The following EDA variants were observed in gnomAD, a reference collection of about 807,000 sequenced individuals.
EDA encodes the protein ectodysplasin-A.
A neutral mutation model predicts 23.6 loss-of-function variants in EDA; 2 were observed. That is an observed-to-expected ratio of 0.08 (90% CI 0.03 to 0.27). The LOEUF (loss-of-function observed/expected upper bound fraction) is 0.27, where lower values mean the gene tolerates loss of function less well. EDA is among the 10% of genes least tolerant of loss of function. EDA has a pLI of 1.00. For synonymous variants in EDA, 131 were observed against 132.0 expected (o/e 0.99, Z 0.05); for missense variants, 229 against 324.2 (o/e 0.71, Z 2.26).
intron 1 of EDA, among the ~76,000 whole-genome samples, chrX:69,701,328 G>A (rs773135903): frequency 6.3e-4 from 70 of 111,069 alleles, no homozygotes; most frequent in African/African-American, 1.7e-3. Context: ...GGGGTCCTCC[G>A]CAGAGGGGGC....
intron 1 of EDA, among the ~76,000 whole-genome samples, chrX:69,766,462 T>G (rs2014472723): frequency 9.0e-6 from 1 of 111,081 alleles, no homozygotes; most frequent in Non-Finnish European, 1.9e-5. Flanking sequence ...GGTCCCAGTG[T>G]CTTATAGGTC....
At chrX:70,008,534 G>A (rs1281177829) in intron 2 of EDA, among the ~76,000 whole-genome samples, 1 of 111,008 alleles carries the variant, frequency 9.0e-6, no homozygotes, top group African/African-American at 3.3e-5. Flanking sequence ...TACATTGTTG[G>A]CTTTGATTAG....
chrX:69,884,692 AC>A (rs1373188998), intron 1 of EDA, among the ~76,000 whole-genome samples: 5 of 112,141 alleles, frequency 4.5e-5, no homozygotes, highest in Non-Finnish European at 7.5e-5. Context: ...GTATGGATAT[AC>A]CACATTTTCT....
At chrX:69,851,599 A>G (rs1421766440) in intron 1 of EDA, among the ~76,000 whole-genome samples, 3 of 112,546 alleles carry the variant, frequency 2.7e-5, no homozygotes, top group Non-Finnish European at 5.6e-5. Flanking sequence ...AAAAATCCTC[A>G]GTAGATATAC....
At chrX:69,923,550 T>G (rs1265927579) in intron 1 of EDA, among the ~76,000 whole-genome samples, 1 of 112,107 alleles carries the variant, frequency 8.9e-6, no homozygotes, top group Non-Finnish European at 1.9e-5. Flanking sequence ...GATAGGCATT[T>G]GGGTTGGTTC....
At chrX:69,669,431 G>T (rs764496841) in intron 1 of EDA, among the ~76,000 whole-genome samples, 10 of 110,651 alleles carry the variant, frequency 9.0e-5, no homozygotes, top group Non-Finnish European at 1.9e-4. Flanking sequence ...TTTATCATTT[G>T]TATATCTGCT....
rs1191245556 is a variant in EDA, at chrX:69,910,374, A to AGAGT, written c.397-46652_397-46651insAGTG. Among the ~76,000 whole-genome samples the AGAGT allele has an allele frequency of 1.2e-3, 51 of 41,746 alleles. No homozygotes were observed. In the East Asian group the frequency reaches 0.013, roughly 11 times the overall value. The allele number at this position is 41,746 out of a possible 115,157, so 36.3% of individuals were successfully genotyped here. ...AGGAGAGAGAGAGAGAGAGAGAGAG[A>AGAGT]GTGTGTGTGTGTGTGTGTGTGTGTG... On this transcript the variant is annotated intron_variant, in intron 1 of 7. Coordinates refer to ENST00000374552, the MANE Select transcript of EDA (RefSeq NM_001399.5).
chrX:69,963,096 C>CA (rs752947099), intron 2 of EDA, among the ~76,000 whole-genome samples: 3 of 111,384 alleles, frequency 2.7e-5, no homozygotes, highest in Non-Finnish European at 5.7e-5. Flanking sequence ...TTGGACATAT[C>CA]AAAAAACTTA....
intron 1 of EDA, among the ~76,000 whole-genome samples, chrX:69,891,042 CA>C (rs1031175441): frequency 1.7e-3 from 177 of 103,458 alleles, no homozygotes; most frequent in Middle Eastern, 9.6e-3. Context: ...AACAAATTTA[CA>C]AAAAAAAAAC....
chrX:69,907,102 T>C (rs1408193023), intron 1 of EDA, among the ~76,000 whole-genome samples: 1 of 111,737 alleles, frequency 8.9e-6, no homozygotes, highest in African/African-American at 3.3e-5. Context: ...AGGAAGTAAG[T>C]GCTGCTGATG....
At chrX:69,877,022 A>G (rs1296069286) in intron 1 of EDA, among the ~76,000 whole-genome samples, 12 of 112,630 alleles carry the variant, frequency 1.1e-4, no homozygotes, top group Admixed American at 9.4e-5. Flanking sequence ...CTGTTTTGCA[A>G]AATGACCATA....
Position 69,625,096 on chromosome X carries a change from T to C in EDA, c.396+8392T>C, listed in dbSNP as rs755172911. On this transcript the variant is annotated intron_variant, in intron 1 of 7. Transcript: ENST00000374552. Reference sequence around the variant, plus strand: ...ATCATCTCCTGTGTATCATGCACTGTACAAAACAATGGAGATGCAGCTGTT... The same window carrying C: ...ATCATCTCCTGTGTATCATGCACTGCACAAAACAATGGAGATGCAGCTGTT... 7.0e-4 allele frequency among the ~76,000 whole-genome samples: 78 copies of C among 111,236 alleles called. 1 individual carries two copies. The South Asian group carries it at 0.029, about 41-fold the overall frequency.
intron 6 of EDA, among the ~76,000 whole-genome samples, chrX:70,032,533 T>C (rs1018995875): frequency 9.0e-6 from 1 of 111,559 alleles, no homozygotes; most frequent in Admixed American, 9.5e-5. Flanking sequence ...GGCTTGGATG[T>C]CCTCCTCTCA....
intron 1 of EDA, among the ~76,000 whole-genome samples, chrX:69,941,515 A>G (rs1028388178): frequency 9.0e-6 from 1 of 111,712 alleles, no homozygotes; most frequent in Admixed American, 9.5e-5. Flanking sequence ...TGACCCCTTT[A>G]TCATTATATA....
chrX:69,945,363 A>G (rs2018819776), intron 1 of EDA, among the ~76,000 whole-genome samples: 1 of 111,925 alleles, frequency 8.9e-6, no homozygotes, highest in Admixed American at 9.5e-5. Flanking sequence ...AGATAACTAT[A>G]TACTTGTTAA....
At chrX:69,755,879 T>C (rs1235170278) in intron 1 of EDA, among the ~76,000 whole-genome samples, 3 of 112,621 alleles carry the variant, frequency 2.7e-5, no homozygotes, top group Non-Finnish European at 5.6e-5. Flanking sequence ...TGGGATATAA[T>C]CTCCTGGTGT....
intron 1 of EDA, among the ~76,000 whole-genome samples, chrX:69,657,606 C>T (rs1392540069): frequency 1.8e-5 from 2 of 112,028 alleles, no homozygotes; most frequent in Non-Finnish European, 3.8e-5. Context: ...TATAGTGGGA[C>T]ATCTTACATT....
intron 1 of EDA, among the ~76,000 whole-genome samples, chrX:69,795,391 A>G (rs2147478331): frequency 8.9e-6 from 1 of 112,834 alleles, no homozygotes; most frequent in South Asian, 3.6e-4. Flanking sequence ...TAAAATAAAC[A>G]TAATTGTAGC....
intron 1 of EDA, among the ~76,000 whole-genome samples, chrX:69,773,565 C>T (rs756577727): frequency 2.7e-5 from 3 of 111,451 alleles, no homozygotes; most frequent in Non-Finnish European, 3.8e-5. Flanking sequence ...ATATCCTTGC[C>T]AACACTTGTT....
Sources: allele counts gnomAD v4.1 joint callset (sites outside exome capture counted in the v4.1 genomes callset), GRCh38; gene constraint gnomAD v4.1.1; transcripts MANE v1.5; gene names NCBI Gene and HGNC (gene_info 2026-07-23, HGNC 2026-07-21).